Variants in ARHGAP24 observed in about 807,000 individuals in gnomAD.
ARHGAP24 encodes the protein Rho GTPase activating protein 24.
A neutral mutation model predicts 76.4 loss-of-function variants in ARHGAP24; 50 were observed. The ratio of observed to expected loss-of-function variants is 0.65; its 90% confidence interval spans 0.52 to 0.83. The LOEUF is 0.83. Among genes scored for constraint, ARHGAP24 ranks in the 40% least tolerant of loss-of-function variants. ARHGAP24 has a pLI of 0.00. For synonymous variants in ARHGAP24, 345 were observed against 323.3 expected, an observed-to-expected ratio of 1.07 and a Z score of -0.72; for missense variants, 930 against 914.2, an observed-to-expected ratio of 1.02 and a Z score of -0.22.
chr4:85,554,473 C>T (rs1226404061), intron 1 of ARHGAP24, among the ~76,000 whole-genome samples: 1 of 152,052 alleles, frequency 6.6e-6, no homozygotes, highest in Non-Finnish European at 1.5e-5. Context: ...TTTACATAAT[C>T]CCATATTTCT....
intron 2 of ARHGAP24, among the ~76,000 whole-genome samples, chr4:85,650,008 T>G (rs1156459457): frequency 6.6e-6 from 1 of 152,138 alleles, no homozygotes; most frequent in Non-Finnish European, 1.5e-5. Context: ...GCCTAGACTT[T>G]CTGCATCCAA....
chr4:85,867,887 G>GTACATACATATA (rs1560682990), intron 3 of ARHGAP24, among the ~76,000 whole-genome samples: 3 of 52,324 alleles, frequency 5.7e-5, no homozygotes, highest in African/African-American at 1.6e-4. Flanking sequence ...CATATATAAT[G>GTACATACATATA]TGTGTGTGTA....
intron 1 of ARHGAP24, among the ~76,000 whole-genome samples, chr4:85,501,487 AT>A (rs1441889615): frequency 2.6e-5 from 4 of 152,106 alleles, no homozygotes; most frequent in Non-Finnish European, 5.9e-5. Flanking sequence ...GATGATGAGC[AT>A]TTTTTCATGT....
At chr4:85,688,266 C>T (rs1444927403) in intron 2 of ARHGAP24, among the ~76,000 whole-genome samples, 1 of 152,302 alleles carries the variant, frequency 6.6e-6, no homozygotes, top group South Asian at 2.1e-4. Flanking sequence ...AATAGCCATT[C>T]TGACTGGTGT....
chr4:85,728,115 A>G (rs1725238080), intron 3 of ARHGAP24, among the ~76,000 whole-genome samples: 1 of 152,024 alleles, frequency 6.6e-6, no homozygotes, highest in South Asian at 2.1e-4. Flanking sequence ...TGTACATTTC[A>G]AATTTTAAAA....
At chr4:85,691,888 A>T (rs1723675179) in intron 2 of ARHGAP24, among the ~76,000 whole-genome samples, 1 of 152,116 alleles carries the variant, frequency 6.6e-6, no homozygotes, top group African/African-American at 2.4e-5. Context: ...CCATGTTGTT[A>T]GCTGGTTGAT....
intron 2 of ARHGAP24, among the ~76,000 whole-genome samples, chr4:85,719,400 C>T (rs80275803): frequency 0.015 from 2,227 of 152,182 alleles, 47 homozygotes; most frequent in African/African-American, 0.05. Context: ...ATACTTCTAA[C>T]ATACAATTTC....
At chr4:85,914,275 T>G (rs1735245989) in intron 3 of ARHGAP24, among the ~76,000 whole-genome samples, 1 of 152,206 alleles carries the variant, frequency 6.6e-6, no homozygotes, top group Non-Finnish European at 1.5e-5. Context: ...ATTCTAAAAT[T>G]TATAGCCTCT....
chr4:85,888,403 A>G (rs1228252620), intron 3 of ARHGAP24, among the ~76,000 whole-genome samples: 5 of 3,488 alleles, frequency 1.4e-3, no homozygotes, highest in Non-Finnish European at 0.01. Flanking sequence ...TCCTCTCAAG[A>G]AAAAAAAAAA....
At chr4:85,821,070 TAATA>T (rs1374061486) in intron 3 of ARHGAP24, among the ~76,000 whole-genome samples, 1 of 152,048 alleles carries the variant, frequency 6.6e-6, no homozygotes, top group East Asian at 1.9e-4. Flanking sequence ...CTAAGTGAAA[TAATA>T]AATAAAAAAT....
At chr4:85,821,185 A>G (rs1001706415) in intron 3 of ARHGAP24, among the ~76,000 whole-genome samples, 3 of 152,190 alleles carry the variant, frequency 2.0e-5, no homozygotes, top group Non-Finnish European at 4.4e-5. Context: ...GTAAATAGGC[A>G]TACTGTACAG....
At chr4:85,793,873 C>A (rs1304771737) in intron 3 of ARHGAP24, among the ~76,000 whole-genome samples, 1 of 152,074 alleles carries the variant, frequency 6.6e-6, no homozygotes, top group Non-Finnish European at 1.5e-5. Context: ...GAAAAGGAAA[C>A]AGCAAAATTC....
At chr4:85,700,073 G>A (rs1317503858) in intron 2 of ARHGAP24, among the ~76,000 whole-genome samples, 1 of 152,244 alleles carries the variant, frequency 6.6e-6, no homozygotes. Context: ...CACAGTAGAG[G>A]TAATAAGTGA....
At chr4:85,640,717 A>G (rs1481839771) in intron 2 of ARHGAP24, among the ~76,000 whole-genome samples, 1 of 152,140 alleles carries the variant, frequency 6.6e-6, no homozygotes, top group Non-Finnish European at 1.5e-5. Context: ...AAAGGGTAAC[A>G]ATTATTTAAT....
intron 2 of ARHGAP24, among the ~76,000 whole-genome samples, chr4:85,655,203 T>C (rs1315521288): frequency 1.3e-5 from 2 of 152,162 alleles, no homozygotes; most frequent in Non-Finnish European, 2.9e-5. Flanking sequence ...CTAATTACAT[T>C]TGGGAGCATA....
chr4:85,539,371 T>C (rs1725592531), intron 1 of ARHGAP24, among the ~76,000 whole-genome samples: 1 of 152,176 alleles, frequency 6.6e-6, no homozygotes, highest in South Asian at 2.1e-4. Flanking sequence ...TGACAAACCA[T>C]TTTACTGCTT....
intron 3 of ARHGAP24, among the ~76,000 whole-genome samples, chr4:85,919,886 A>G (rs1735628742): frequency 6.6e-6 from 1 of 152,200 alleles, no homozygotes; most frequent in African/African-American, 2.4e-5. Context: ...GTATAAGTGG[A>G]TCAGAATACA....
At chr4:85,975,007 T>C (rs1739241456) in intron 7 of ARHGAP24, 46 bp downstream of exon 7, 2 of 1,522,112 alleles carry the variant, frequency 1.3e-6, no homozygotes, top group Non-Finnish European at 1.8e-6. Flanking sequence ...AAGACATATT[T>C]AGCCTGATAC....
chr4:85,683,727 T>C (rs934088119), intron 2 of ARHGAP24, among the ~76,000 whole-genome samples: 4 of 152,170 alleles, frequency 2.6e-5, no homozygotes, highest in African/African-American at 9.7e-5. Context: ...CTAAGACTTA[T>C]ACTCACTGAA....
Sources: gnomAD v4.1 joint callset for allele counts (sites outside exome capture counted in the v4.1 genomes callset) on GRCh38, gnomAD v4.1.1 for gene constraint, MANE v1.5 for transcripts, NCBI Gene and HGNC (gene_info 2026-07-23, HGNC 2026-07-21) for gene names.